The following P2RY8 variants were observed in gnomAD, a reference collection of about 807,000 sequenced individuals.
P2RY8 encodes the protein S-geranylgeranyl-glutathione receptor P2RY8.
A neutral mutation model predicts 10.0 loss-of-function variants in P2RY8; 6 were observed. The observed-to-expected ratio is 0.60, with a 90% CI of 0.33 to 1.19. The LOEUF (loss-of-function observed/expected upper bound fraction) is 1.19. P2RY8 is among the 50% of genes most tolerant of loss of function. The pLI is 0.04. For missense variants in P2RY8, 456 were observed against 542.0 expected, an observed-to-expected ratio of 0.84 and a Z score of 1.58; for synonymous variants, 276 against 252.5, an observed-to-expected ratio of 1.09 and a Z score of -0.88.
intron 1 of P2RY8, among the ~76,000 whole-genome samples, chrX:1,526,927 C>T (rs1425791908): frequency 6.6e-6 from 1 of 152,096 alleles, no homozygotes. Flanking sequence ...GAGTTTCACT[C>T]CTGTTGCCCA....
intron 1 of P2RY8, among the ~76,000 whole-genome samples, chrX:1,505,811 CACAAAAA>C (rs1375826055): frequency 5.1e-4 from 78 of 151,836 alleles, no homozygotes; most frequent in Non-Finnish European, 9.4e-4. Flanking sequence ...AACAATAAAA[CACAAAAA>C]ACAAAAAACA....
At chrX:1,498,856 T>C (rs138663356) in intron 1 of P2RY8, among the ~76,000 whole-genome samples, 5,199 of 137,234 alleles carry the variant, frequency 0.038, 268 homozygotes, top group African/African-American at 0.12. Context: ...TTTTTTGAGA[T>C]GGAGTCTCAC....
chrX:1,533,442 T>G (rs1198882533), intron 1 of P2RY8, among the ~76,000 whole-genome samples: 1 of 144,068 alleles, frequency 6.9e-6, no homozygotes. Flanking sequence ...ATTTATTATT[T>G]AAATATATTG....
intron 1 of P2RY8, among the ~76,000 whole-genome samples, chrX:1,478,304 A>G (rs1468379969): frequency 2.1e-5 from 3 of 142,900 alleles, no homozygotes; most frequent in African/African-American, 5.1e-5. Flanking sequence ...TATTACCAAC[A>G]TATCTTTTGC....
At chrX:1,514,222 A>G (rs1188336482) in intron 1 of P2RY8, among the ~76,000 whole-genome samples, 1 of 152,062 alleles carries the variant, frequency 6.6e-6, no homozygotes, top group Non-Finnish European at 1.5e-5. Context: ...ATTCTGTTTA[A>G]TCTTGATGTC....
intron 1 of P2RY8, among the ~76,000 whole-genome samples, chrX:1,499,553 C>T (rs1410529025): frequency 6.6e-6 from 1 of 151,946 alleles, no homozygotes; most frequent in Non-Finnish European, 1.5e-5. Context: ...CTCTTACGCC[C>T]AAACTTTAAT....
At position 1,466,385 on chromosome X, in the gene P2RY8, C is replaced by G. The variant is rs2091676550; in HGVS notation, c.174G>C (p.Ser58=). ...LCRRMGPRSP[S]VIFMINLSVT... ...CGCTCAGGTTGATCATGAAGATGAC[C>G]GACGGGGATCTGGGCCCCATGCGCC... is the stretch of plus-strand genomic sequence containing the variant. Residue 58 remains serine, a synonymous_variant, in exon 2 of 2, where the codon TCG becomes TCC. Coordinates refer to ENST00000381297, the MANE Select transcript of P2RY8 (RefSeq NM_178129.5). The G allele has an allele frequency of 1.9e-6, 3 of 1,613,520 alleles. No homozygotes were observed. Among genetic ancestry groups the G allele is most frequent in the Non-Finnish European group, 2.5e-6 (3 of 1,179,872 alleles).
intron 1 of P2RY8, among the ~76,000 whole-genome samples, chrX:1,475,810 G>A (rs1187402218): frequency 1.3e-5 from 2 of 152,138 alleles, no homozygotes; most frequent in Non-Finnish European, 2.9e-5. Flanking sequence ...TATTCATGCA[G>A]TCCCCCTTTC....
At chrX:1,521,762 T>G (rs1466811267) in intron 1 of P2RY8, among the ~76,000 whole-genome samples, 1 of 151,884 alleles carries the variant, frequency 6.6e-6, no homozygotes, top group African/African-American at 2.4e-5. Flanking sequence ...TTGGTGGTAT[T>G]TGGTGGAGGT....
rs60116199 is a variant in P2RY8, at chrX:1,462,977, C to CA, written c.*2501dup. ...GTGGCTGCAAAAATCATCATACTGA[C>CA]AAAAAAAAAAAATCGACGCATTTTG... On this transcript the variant is annotated 3_prime_UTR_variant, in exon 2 of 2. Coordinates refer to ENST00000381297, the MANE Select transcript of P2RY8 (RefSeq NM_178129.5). The CA allele has an allele frequency of 1.3e-3, 276 of 214,176 alleles. No homozygotes were observed. Among genetic ancestry groups the CA allele is most frequent in the African/African-American group, 2.2e-3 (98 of 43,576 alleles). 13.3% of individuals were successfully genotyped at this position (214,176 alleles called of 1,614,324 possible). A position where few individuals can be genotyped will look rare whatever the true frequency, so the allele number is the denominator to read the frequency against.
At chrX:1,470,307 T>G (rs1308174661) in intron 1 of P2RY8, among the ~76,000 whole-genome samples, 1 of 151,612 alleles carries the variant, frequency 6.6e-6, no homozygotes, top group East Asian at 1.9e-4. Flanking sequence ...AGGTCAGGAG[T>G]TCAAGACCAG....
intron 1 of P2RY8, among the ~76,000 whole-genome samples, chrX:1,493,426 AGGAGGGAGGGAAGG>A (rs770294251): frequency 0.38 from 16,774 of 44,422 alleles, 2,299 homozygotes; most frequent in Non-Finnish European, 0.44. Flanking sequence ...AGGAGGAAGG[AGGAGGGAGGGAAGG>A]AGGAGGAAGG....
intron 1 of P2RY8, among the ~76,000 whole-genome samples, chrX:1,525,137 C>T (rs1157474787): frequency 6.6e-6 from 1 of 152,220 alleles, no homozygotes; most frequent in Non-Finnish European, 1.5e-5. Flanking sequence ...GCAATAAATC[C>T]TCTCTCCTCC....
intron 1 of P2RY8, among the ~76,000 whole-genome samples, chrX:1,513,278 C>T (rs1247889085): frequency 6.6e-6 from 1 of 151,366 alleles, no homozygotes; most frequent in Non-Finnish European, 1.5e-5. Context: ...CATTGATGGG[C>T]ATTTGGATTG....
At chrX:1,502,332 G>A (rs2092189019) in intron 1 of P2RY8, among the ~76,000 whole-genome samples, 1 of 152,130 alleles carries the variant, frequency 6.6e-6, no homozygotes, top group African/African-American at 2.4e-5. Context: ...TCCTCCCGGG[G>A]GGCAGGGGTG....
intron 1 of P2RY8, among the ~76,000 whole-genome samples, chrX:1,474,371 ATAAG>A (rs1221154621): frequency 6.0e-4 from 57 of 94,656 alleles, no homozygotes; most frequent in Non-Finnish European, 8.5e-4. Flanking sequence ...GGATGGATGG[ATAAG>A]TGGGTGGGTG....
intron 1 of P2RY8, among the ~76,000 whole-genome samples, chrX:1,473,884 A>T (rs1206110368): frequency 2.1e-5 from 3 of 143,376 alleles, no homozygotes; most frequent in Non-Finnish European, 4.5e-5. Context: ...GGGTGGATGC[A>T]TTGATGGTTG....
chrX:1,523,056 G>C (rs1411367643), intron 1 of P2RY8, among the ~76,000 whole-genome samples: 1 of 148,310 alleles, frequency 6.7e-6, no homozygotes, highest in Non-Finnish European at 1.5e-5. Flanking sequence ...GCGACAGAGA[G>C]AGACTCCATC....
chrX:1,512,419 T>G (rs746272592), intron 1 of P2RY8, among the ~76,000 whole-genome samples: 2 of 151,656 alleles, frequency 1.3e-5, no homozygotes, highest in Non-Finnish European at 2.9e-5. Context: ...TGGTGGTGGG[T>G]ACCTGTCATC....
Sources: allele counts gnomAD v4.1 joint callset (sites outside exome capture counted in the v4.1 genomes callset), GRCh38; gene constraint gnomAD v4.1.1; transcripts MANE v1.5; gene names NCBI Gene and HGNC (gene_info 2026-07-23, HGNC 2026-07-21).